KDM4C: variants seen among roughly 807,000 people sequenced by gnomAD.
KDM4C encodes the protein lysine-specific demethylase 4C.
KDM4C carries 81 observed loss-of-function variants against 129.3 expected under a neutral mutation model. The observed-to-expected ratio is 0.63, with a 90% CI of 0.52 to 0.75. The LOEUF is 0.75. Among genes scored for constraint, KDM4C ranks in the 30% least tolerant of loss-of-function variants. KDM4C has a pLI of 0.00. For missense variants in KDM4C, 1,457 were observed against 1,304.0 expected (o/e 1.12, Z -1.81); for synonymous variants, 573 against 456.1 (o/e 1.26, Z -3.26).
At chr9:7,163,612 C>T (rs1156910903) in intron 19 of KDM4C, among the ~76,000 whole-genome samples, 1 of 152,146 alleles carries the variant, frequency 6.6e-6, no homozygotes, top group Non-Finnish European at 1.5e-5. Flanking sequence ...GCTGATGCGA[C>T]TCTCTAACCT....
intron 20 of KDM4C, among the ~76,000 whole-genome samples, chr9:7,168,448 C>T (rs1844625099): frequency 6.6e-6 from 1 of 152,100 alleles, no homozygotes; most frequent in African/African-American, 2.4e-5. Context: ...TTGTATTAAA[C>T]CTAAACCAAT....
intron 1 of KDM4C, chr9:6,748,559 TACAA>T (rs1817960945): frequency 4.1e-6 from 2 of 482,840 alleles, no homozygotes; most frequent in South Asian, 4.8e-5. Context: ...TTAGTTTTAA[TACAA>T]ACAATCCCAC....
chr9:7,139,744 T>C (rs894390981), intron 19 of KDM4C, among the ~76,000 whole-genome samples: 4 of 152,242 alleles, frequency 2.6e-5, no homozygotes, highest in African/African-American at 9.6e-5. Flanking sequence ...AAAACCTTTT[T>C]TCTATATTAT....
chr9:6,793,242 C>T, intron 2 of KDM4C, 110 bp downstream of exon 2: 1 of 1,110,598 alleles, frequency 9.0e-7, no homozygotes, highest in Non-Finnish European at 1.3e-6. Context: ...TTTGCAAAAT[C>T]TTTGTTCTCG....
chr9:7,171,735 C>A (rs1211965795), intron 21 of KDM4C, among the ~76,000 whole-genome samples: 1 of 152,128 alleles, frequency 6.6e-6, no homozygotes, highest in Non-Finnish European at 1.5e-5. Flanking sequence ...GGATGCCTTC[C>A]CCTGTGGCTG....
Position 7,011,822 on chromosome 9 carries a change from A to C in KDM4C, c.1911A>C (p.Thr637=). Residue 637 remains threonine, a synonymous_variant, in exon 13 of 22, where the codon ACA becomes ACC. Transcript: ENST00000381309. ...NFAAEQEYNA[T]VARMKPHCAI... ...CAGCTGAGCAAGAGTATAATGCAAC[A>C]GTGGCCAGGATGAAGCCACACTGTG... The C allele has an allele frequency of 6.2e-7, 1 of 1,614,144 alleles. No homozygotes were observed. Among genetic ancestry groups the C allele is most frequent in the Non-Finnish European group, 8.5e-7 (1 of 1,179,990 alleles).
chr9:6,904,356 A>G (rs1227120957), intron 8 of KDM4C, among the ~76,000 whole-genome samples: 3 of 152,154 alleles, frequency 2.0e-5, no homozygotes, highest in African/African-American at 7.2e-5. Context: ...TTACTACAAG[A>G]AAATTGTTGT....
chr9:6,997,029 C>CA (rs76444499), intron 12 of KDM4C, among the ~76,000 whole-genome samples: 28,292 of 152,094 alleles, frequency 0.19, 2,635 homozygotes, highest in Admixed American at 0.22. Context: ...TCCATGCCTA[C>CA]AAATGAGGGT....
At chr9:7,115,177 C>G (rs1352629218) in intron 18 of KDM4C, among the ~76,000 whole-genome samples, 1 of 152,180 alleles carries the variant, frequency 6.6e-6, no homozygotes, top group Non-Finnish European at 1.5e-5. Context: ...GGAAAATCAA[C>G]TCTTCCATTC....
At chr9:6,792,677 G>C (rs552859471) in intron 1 of KDM4C, among the ~76,000 whole-genome samples, 1 of 152,094 alleles carries the variant, frequency 6.6e-6, no homozygotes, top group Non-Finnish European at 1.5e-5. Flanking sequence ...GTGAGCCACC[G>C]CACCCGGCCT....
intron 1 of KDM4C, among the ~76,000 whole-genome samples, chr9:6,743,186 T>C (rs994665317): frequency 2.6e-5 from 4 of 152,176 alleles, no homozygotes; most frequent in Non-Finnish European, 5.9e-5. Flanking sequence ...AGGTAATCAA[T>C]CAATCCTCTT....
chr9:6,757,562 G>A (rs1321371402), upstream of KDM4C: 1 of 925,654 alleles, frequency 1.1e-6, no homozygotes, highest in Non-Finnish European at 1.3e-6. Flanking sequence ...TGCGAGCCCC[G>A]ACTTTCTCGC....
chr9:6,799,209 C>A (rs1194540246), intron 2 of KDM4C, among the ~76,000 whole-genome samples: 1 of 152,194 alleles, frequency 6.6e-6, no homozygotes, highest in African/African-American at 2.4e-5. Context: ...GAGGCCAAGG[C>A]AGGCGGCTGG....
Position 6,984,416 on chromosome 9 carries a change from G to A in KDM4C, c.1354+12G>A. 1 of 1,546,344 alleles carries A rather than the reference G, an allele frequency of 6.5e-7. No individual in the cohort carries two copies. On this transcript the variant is annotated intron_variant, in intron 10 of 21. Coordinates refer to ENST00000381309, the MANE Select transcript of KDM4C (RefSeq NM_015061.6). ...TATCAAACTCTCAGGTGAGAAGATG[G>A]TTGATTAGGTTTCACATATAAGTAG...
chr9:6,879,251 A>G (rs970439467), intron 5 of KDM4C, among the ~76,000 whole-genome samples: 4 of 152,220 alleles, frequency 2.6e-5, no homozygotes, highest in African/African-American at 9.6e-5. Flanking sequence ...AAATTTCCTC[A>G]TTAAAATGCC....
At chr9:6,801,219 T>C (rs916524441) in intron 2 of KDM4C, among the ~76,000 whole-genome samples, 10 of 150,940 alleles carry the variant, frequency 6.6e-5, no homozygotes, top group Non-Finnish European at 1.2e-4. Context: ...TAGACCATTT[T>C]TATGTCCTTG....
At chr9:7,149,952 C>G (rs1037398649) in intron 19 of KDM4C, among the ~76,000 whole-genome samples, 19 of 152,202 alleles carry the variant, frequency 1.2e-4, no homozygotes, top group South Asian at 2.1e-4. Context: ...AGGAGTTGAA[C>G]TTGGAAGATT....
chr9:7,047,878 C>T (rs1829631673), intron 16 of KDM4C, among the ~76,000 whole-genome samples: 4 of 151,960 alleles, frequency 2.6e-5, no homozygotes, highest in Admixed American at 2.6e-4. Flanking sequence ...TACATTCCGC[C>T]TGGCCCCCTG....
intron 2 of KDM4C, among the ~76,000 whole-genome samples, chr9:6,801,239 A>ATTTTT (rs59151680): frequency 4.7e-4 from 31 of 65,740 alleles, no homozygotes; most frequent in Non-Finnish European, 5.3e-4. Flanking sequence ...GAGTAGGGAA[A>ATTTTT]TTTTTTTTTT....
Sources: gnomAD v4.1 joint callset for allele counts (sites outside exome capture counted in the v4.1 genomes callset) on GRCh38, gnomAD v4.1.1 for gene constraint, MANE v1.5 for transcripts, NCBI Gene and HGNC (gene_info 2026-07-23, HGNC 2026-07-21) for gene names.